LHX8: variants seen among roughly 807,000 people sequenced by gnomAD.
LHX8 encodes LIM homeobox 8.
LHX8 carries 12 observed loss-of-function variants against 40.3 expected under a neutral mutation model. The observed-to-expected ratio is 0.30, with a 90% CI of 0.19 to 0.48. The LOEUF (loss-of-function observed/expected upper bound fraction) is 0.48, where lower values mean the gene tolerates loss of function less well. LHX8 is among the 20% of genes least tolerant of loss of function. The pLI, the probability that LHX8 is intolerant of heterozygous loss-of-function variation, is 0.99. For missense variants in LHX8, 344 were observed against 433.7 expected (o/e 0.79, Z 1.84); for synonymous variants, 179 against 162.0 (o/e 1.10, Z -0.80).
chr1:75,149,858 T>A (rs775269958), intron 7 of LHX8, among the ~76,000 whole-genome samples: 4 of 152,122 alleles, frequency 2.6e-5, no homozygotes, highest in Non-Finnish European at 5.9e-5. Context: ...GAGAAACATT[T>A]TATTGAGTGA....
In LHX8 at chr1:75,136,588, C is replaced by G. The variant is rs1453575137; in HGVS notation, c.-12-15C>G. 1.1e-5 allele frequency: 17 copies of G among 1,534,020 alleles called. No homozygotes were observed. The highest frequency in any genetic ancestry group is 2.5e-5 in the East Asian group (1 of 40,796). ...GATCTGTTTCTCCATACTTTCTCCCCCTCCTACTCCGCAGTGTCAGGGGCT... is the reference window on the plus strand; with the variant it reads ...GATCTGTTTCTCCATACTTTCTCCCGCTCCTACTCCGCAGTGTCAGGGGCT... On this transcript the variant is annotated splice_polypyrimidine_tract_variant and intron_variant, in intron 1 of 8. Coordinates refer to ENST00000356261, the MANE Select transcript of LHX8 (RefSeq NM_001256114.2).
At chr1:75,135,518 C>A (rs973218345) in intron 1 of LHX8, among the ~76,000 whole-genome samples, 2 of 152,150 alleles carry the variant, frequency 1.3e-5, no homozygotes, top group African/African-American at 4.8e-5. Context: ...CGGGAGGCCC[C>A]CAGGTTGGTA....
chr1:75,152,339 A>T (rs891428828), intron 7 of LHX8, among the ~76,000 whole-genome samples: 1 of 152,164 alleles, frequency 6.6e-6, no homozygotes, highest in Non-Finnish European at 1.5e-5. Context: ...GAAGTCAAAG[A>T]ATAAAGATGA....
At chr1:75,163,863 G>A (rs890965289), downstream of LHX8, among the ~76,000 whole-genome samples, 13 of 152,142 alleles carry the variant, frequency 8.5e-5, no homozygotes, top group Non-Finnish European at 1.8e-4. Context: ...AATGGGATTA[G>A]TGCCCTTATA....
chr1:75,181,089 T>C, the LHX8 span, among the ~76,000 whole-genome samples: 1 of 152,158 alleles, frequency 6.6e-6, no homozygotes, highest in Non-Finnish European at 1.5e-5. Context: ...AAGCTTTGTC[T>C]CAGAGGGGCA....
chr1:75,160,948 G>T lies in LHX8; in HGVS notation c.*53G>T. ...AGGATATAAATTTGTCATTTATTATGTATAAAATACCATTGAAAAGATATT... is the reference window on the plus strand; with the variant it reads ...AGGATATAAATTTGTCATTTATTATTTATAAAATACCATTGAAAAGATATT... On this transcript the variant is annotated 3_prime_UTR_variant, in exon 9 of 9. Coordinates refer to ENST00000356261, the MANE Select transcript of LHX8 (RefSeq NM_001256114.2). 1 of 1,267,416 alleles carries T rather than the reference G, an allele frequency of 7.9e-7. No individual in the cohort carries two copies. Among genetic ancestry groups the T allele is most frequent in the Non-Finnish European group, 1.2e-6 (1 of 865,066 alleles). 78.5% of individuals were successfully genotyped at this position (1,267,416 alleles called of 1,614,324 possible).
chr1:75,129,150 CA>C (rs1321380834), intron 1 of LHX8, among the ~76,000 whole-genome samples: 1 of 152,182 alleles, frequency 6.6e-6, no homozygotes, highest in Non-Finnish European at 1.5e-5. Context: ...CTTCATTTTA[CA>C]AATGAGAAAG....
At chr1:75,192,243 G>A in the LHX8 span, among the ~76,000 whole-genome samples, 12 of 152,188 alleles carry the variant, frequency 7.9e-5, no homozygotes, top group Non-Finnish European at 1.6e-4. Flanking sequence ...GTTTTGGTAT[G>A]CCGATACCAA....
chr1:75,180,839 T>C, the LHX8 span, among the ~76,000 whole-genome samples: 1 of 152,230 alleles, frequency 6.6e-6, no homozygotes, highest in Non-Finnish European at 1.5e-5. Flanking sequence ...TATCTACCTT[T>C]GGTTTTTGAT....
chr1:75,181,895 T>C, the LHX8 span, among the ~76,000 whole-genome samples: 1 of 152,190 alleles, frequency 6.6e-6, no homozygotes, highest in South Asian at 2.1e-4. Flanking sequence ...TTCTGGATAT[T>C]AGTCCTTCGT....
Position 75,137,077 on chromosome 1 carries a change from C to T in LHX8, c.76-23C>T, listed in dbSNP as rs763953169. The T allele has an allele frequency of 2.5e-6, 4 of 1,592,072 alleles. No individual in the cohort carries two copies. In the Admixed American group the frequency reaches 6.8e-5, roughly 27 times the overall value. ...AAGGGGAGGAGGGGTCTAGAACCGCCTGCGCCTCGCGGTTTCCTGCAGGTG... is the reference window on the plus strand; with the variant it reads ...AAGGGGAGGAGGGGTCTAGAACCGCTTGCGCCTCGCGGTTTCCTGCAGGTG... On this transcript the variant is annotated intron_variant, in intron 2 of 8. Coordinates refer to ENST00000356261, the MANE Select transcript of LHX8 (RefSeq NM_001256114.2).
chr1:75,140,631 AAAAAAAC>A (rs1648285971), intron 3 of LHX8, among the ~76,000 whole-genome samples: 3 of 152,302 alleles, frequency 2.0e-5, no homozygotes, highest in Admixed American at 2.0e-4. Flanking sequence ...AAATATAACA[AAAAAAAC>A]CTGTATGTAG....
At chr1:75,179,808 G>A in the LHX8 span, among the ~76,000 whole-genome samples, 4 of 152,178 alleles carry the variant, frequency 2.6e-5, no homozygotes, top group African/African-American at 9.7e-5. Context: ...AATTTGGCCT[G>A]TTTTTGCAGT....
chr1:75,181,621 G>C, the LHX8 span, among the ~76,000 whole-genome samples: 209 of 152,292 alleles, frequency 1.4e-3, no homozygotes, highest in Non-Finnish European at 2.0e-3. Flanking sequence ...CCCTTGGCTA[G>C]GAAAGGGAAA....
At chr1:75,163,646 AT>A (rs1252125603), downstream of LHX8, among the ~76,000 whole-genome samples, 2 of 152,228 alleles carry the variant, frequency 1.3e-5, no homozygotes, top group Admixed American at 6.5e-5. Flanking sequence ...CTTGGATTCA[AT>A]CAGATAGTAA....
chr1:75,148,463 G>A (rs540461661), intron 6 of LHX8, 124 bp from the exon 7 acceptor site: 63 of 727,074 alleles, frequency 8.7e-5, no homozygotes, highest in Non-Finnish European at 1.4e-4. Context: ...TCCCCATACC[G>A]ATTTTCAAGT....
chr1:75,153,007 C>T (rs1041988758), intron 7 of LHX8, among the ~76,000 whole-genome samples: 23 of 152,168 alleles, frequency 1.5e-4, no homozygotes, highest in Admixed American at 6.5e-5. Flanking sequence ...TAACCTTTCA[C>T]GGTTCATCAA....
At position 75,161,212 on chromosome 1, in the gene LHX8, A is replaced by G. The variant is rs957930383; in HGVS notation, c.*317A>G. The G allele has an allele frequency of 7.0e-6, 2 of 284,698 alleles. No homozygotes were observed. The highest frequency in any genetic ancestry group is 1.3e-5 in the Non-Finnish European group (2 of 149,512). 17.6% of individuals were successfully genotyped at this position (284,698 alleles called of 1,614,324 possible). On this transcript the variant is annotated 3_prime_UTR_variant, in exon 9 of 9. Transcript: ENST00000356261. Reference sequence around the variant, plus strand: ...GCACTTTGCCTAAAAGAAAGGACTGACAAGTGTGCAAAATGTTTACAATCT... The same window carrying G: ...GCACTTTGCCTAAAAGAAAGGACTGGCAAGTGTGCAAAATGTTTACAATCT...
At chr1:75,140,839 TAAAAA>T in intron 3 of LHX8, 141 bp from the exon 4 acceptor site, 1 of 793,980 alleles carries the variant, frequency 1.3e-6, no homozygotes, top group Admixed American at 2.4e-5. Flanking sequence ...AATGACATCT[TAAAAA>T]AAAATGACAT....
Sources: gnomAD v4.1 joint callset for allele counts (sites outside exome capture counted in the v4.1 genomes callset) on GRCh38, gnomAD v4.1.1 for gene constraint, MANE v1.5 for transcripts, NCBI Gene and HGNC (gene_info 2026-07-23, HGNC 2026-07-21) for gene names.